The following NAALADL2 variants were observed in gnomAD, a reference collection of about 807,000 sequenced individuals.
The protein encoded by NAALADL2 is inactive N-acetylated-alpha-linked acidic dipeptidase-like protein 2.
A neutral mutation model predicts 87.2 loss-of-function variants in NAALADL2; 76 were observed. The observed-to-expected ratio is 0.87, with a 90% CI of 0.72 to 1.05. The LOEUF is 1.05. NAALADL2 is among the 50% of genes least tolerant of loss of function. The probability of loss-of-function intolerance (pLI) is 0.00; values close to 1 mark genes in which losing one functional copy is unlikely to be tolerated. For missense variants in NAALADL2, 1,089 were observed against 945.8 expected (o/e 1.15, Z -1.99); for synonymous variants, 354 against 331.0 (o/e 1.07, Z -0.75).
chr3:175,335,317 G>T (rs1314203181), intron 5 of NAALADL2, among the ~76,000 whole-genome samples: 1 of 152,148 alleles, frequency 6.6e-6, no homozygotes, highest in African/African-American at 2.4e-5. Flanking sequence ...GCAAAATTCC[G>T]TTGGAATGAG....
chr3:175,523,148 A>T (rs963698151), intron 9 of NAALADL2, among the ~76,000 whole-genome samples: 2 of 152,202 alleles, frequency 1.3e-5, no homozygotes, highest in African/African-American at 4.8e-5. Context: ...CTCTAGAGAC[A>T]TAGTTATCAA....
intron 3 of NAALADL2, among the ~76,000 whole-genome samples, chr3:174,761,055 A>C (rs1425074896): frequency 6.6e-6 from 1 of 152,226 alleles, no homozygotes; most frequent in African/African-American, 2.4e-5. Flanking sequence ...CCTCAGATCC[A>C]AAATCACTTC....
chr3:174,870,092 A>AGT (rs757582306), intron 1 of NAALADL2, among the ~76,000 whole-genome samples: 304 of 147,586 alleles, frequency 2.1e-3, no homozygotes, highest in South Asian at 5.9e-3. Flanking sequence ...TGTGTGTATG[A>AGT]GTGTGTGTGT....
At chr3:174,651,391 G>T (rs1345420673) in intron 2 of NAALADL2, among the ~76,000 whole-genome samples, 2 of 152,148 alleles carry the variant, frequency 1.3e-5, no homozygotes, top group East Asian at 3.8e-4. Flanking sequence ...GCTACCTGTA[G>T]TAAAGTCTGT....
intron 9 of NAALADL2, among the ~76,000 whole-genome samples, chr3:175,491,831 A>G (rs1253425398): frequency 1.3e-5 from 2 of 152,206 alleles, no homozygotes; most frequent in African/African-American, 4.8e-5. Context: ...CAATGATACA[A>G]ATGTTATCAG....
chr3:175,324,421 ATAAT>A, intron 5 of NAALADL2, 96 bp downstream of exon 5: 1 of 945,290 alleles, frequency 1.1e-6, no homozygotes, highest in South Asian at 2.2e-5. Context: ...GTGATGTCAA[ATAAT>A]TCTTAGCATC....
chr3:175,458,185 G>C (rs1053324315), intron 6 of NAALADL2, among the ~76,000 whole-genome samples: 11 of 151,974 alleles, frequency 7.2e-5, no homozygotes, highest in Non-Finnish European at 1.6e-4. Flanking sequence ...TTTGAGTGGA[G>C]AATAGTGTCT....
At chr3:174,785,712 C>T (rs1301659705) in intron 3 of NAALADL2, among the ~76,000 whole-genome samples, 2 of 152,080 alleles carry the variant, frequency 1.3e-5, no homozygotes, top group African/African-American at 4.8e-5. Flanking sequence ...TAAAAAAAGA[C>T]ACAGAATACA....
intron 2 of NAALADL2, among the ~76,000 whole-genome samples, chr3:174,720,432 A>G (rs1182990002): frequency 6.6e-6 from 1 of 152,296 alleles, no homozygotes; most frequent in Non-Finnish European, 1.5e-5. Flanking sequence ...ACATTATATG[A>G]TAGCTATATA....
chr3:175,234,988 T>C (rs2109503407), intron 3 of NAALADL2: 3 of 152,218 alleles, frequency 2.0e-5, no homozygotes, highest in Non-Finnish European at 4.4e-5. Context: ...CAACGTGTAA[T>C]TGGTCAACAG....
At chr3:175,172,525 T>A (rs963171412) in intron 2 of NAALADL2, among the ~76,000 whole-genome samples, 3 of 146,822 alleles carry the variant, frequency 2.0e-5, no homozygotes. Flanking sequence ...AATATCTGAA[T>A]ATAATATGTC....
chr3:174,596,900 CTGTT>C (rs1342014177), intron 2 of NAALADL2, among the ~76,000 whole-genome samples: 4 of 152,110 alleles, frequency 2.6e-5, no homozygotes, highest in African/African-American at 9.7e-5. Flanking sequence ...TGAATCCTGA[CTGTT>C]TGACTTGAAT....
intron 2 of NAALADL2, among the ~76,000 whole-genome samples, chr3:175,167,266 C>CA (rs1226739981): frequency 1.3e-5 from 2 of 151,866 alleles, no homozygotes; most frequent in South Asian, 4.1e-4. Flanking sequence ...ACTTTATTTA[C>CA]AAAAAAAGAG....
intron 11 of NAALADL2, among the ~76,000 whole-genome samples, chr3:175,649,191 T>C (rs940672798): frequency 6.6e-6 from 1 of 152,138 alleles, no homozygotes; most frequent in Non-Finnish European, 1.5e-5. Flanking sequence ...TGCAACCTCA[T>C]TATTATATCT....
intron 2 of NAALADL2, among the ~76,000 whole-genome samples, chr3:175,135,585 A>AC (rs1728998088): frequency 6.6e-6 from 1 of 152,192 alleles, no homozygotes; most frequent in South Asian, 2.1e-4. Context: ...AAAATCAGTC[A>AC]AAAGAAAGAT....
At chr3:174,882,309 T>C (rs1485768654) in intron 1 of NAALADL2, among the ~76,000 whole-genome samples, 1 of 152,024 alleles carries the variant, frequency 6.6e-6, no homozygotes, top group Non-Finnish European at 1.5e-5. Flanking sequence ...TTATTTTTCT[T>C]TTTTGACTAA....
intron 2 of NAALADL2, among the ~76,000 whole-genome samples, chr3:175,154,227 GA>G (rs952264476): frequency 2.0e-5 from 3 of 151,946 alleles, no homozygotes; most frequent in African/African-American, 7.3e-5. Context: ...TTTATCACTA[GA>G]AAAAAATTCC....
intron 3 of NAALADL2, among the ~76,000 whole-genome samples, chr3:174,794,981 CTTTTTTT>C (rs772447340): frequency 6.0e-5 from 4 of 66,706 alleles, no homozygotes; most frequent in East Asian, 9.0e-4. Context: ...TCTAGTCCAG[CTTTTTTT>C]TTTTTTTTTT....
At chr3:175,121,137 G>A (rs1232350674) in intron 2 of NAALADL2, among the ~76,000 whole-genome samples, 1 of 151,734 alleles carries the variant, frequency 6.6e-6, no homozygotes, top group Non-Finnish European at 1.5e-5. Context: ...AAGTAATAAG[G>A]TTGAATCTGT....
Sources: allele counts gnomAD v4.1 joint callset (sites outside exome capture counted in the v4.1 genomes callset), GRCh38; gene constraint gnomAD v4.1.1; transcripts MANE v1.5; gene names NCBI Gene and HGNC (gene_info 2026-07-23, HGNC 2026-07-21).